Variants in AFF3 observed in about 807,000 individuals in gnomAD.
AFF3 encodes the protein ALF transcription elongation factor 3.
Under a neutral mutation model 129.7 loss-of-function variants are expected in AFF3, and 32 were observed. The ratio of observed to expected loss-of-function variants is 0.25; its 90% confidence interval spans 0.19 to 0.33. The LOEUF (loss-of-function observed/expected upper bound fraction) is 0.33, where lower values mean the gene tolerates loss of function less well. Among genes scored for constraint, AFF3 ranks in the 10% least tolerant of loss-of-function variants. The pLI is 1.00. For missense variants in AFF3, 1,373 were observed against 1,592.0 expected, an observed-to-expected ratio of 0.86 and a Z score of 2.34; for synonymous variants, 644 against 635.4, an observed-to-expected ratio of 1.01 and a Z score of -0.20.
At chr2:99,994,562 A>T (rs1680660566) in intron 7 of AFF3, among the ~76,000 whole-genome samples, 1 of 152,218 alleles carries the variant, frequency 6.6e-6, no homozygotes, top group Non-Finnish European at 1.5e-5. Context: ...GATGGAATGC[A>T]AATATCCCAA....
At chr2:100,122,851 A>T (rs1573463702) in intron 2 of AFF3, among the ~76,000 whole-genome samples, 1 of 152,374 alleles carries the variant, frequency 6.6e-6, no homozygotes, top group Middle Eastern at 3.4e-3. Context: ...ATTTAACTTC[A>T]TTTAACCCAA....
intron 19 of AFF3, among the ~76,000 whole-genome samples, chr2:99,565,920 C>A (rs956171914): frequency 6.6e-6 from 1 of 152,174 alleles, no homozygotes; most frequent in Non-Finnish European, 1.5e-5. Flanking sequence ...CTCTTTCTAA[C>A]CCCTAATGGT....
chr2:99,814,231 AACCACC>A (rs60855066), intron 8 of AFF3, among the ~76,000 whole-genome samples: 1 of 150,936 alleles, frequency 6.6e-6, no homozygotes. Flanking sequence ...TAATCACACA[AACCACC>A]ACCACCACCA....
At chr2:100,117,610 A>G (rs554052853) in intron 2 of AFF3, among the ~76,000 whole-genome samples, 42 of 152,218 alleles carry the variant, frequency 2.8e-4, no homozygotes, top group Non-Finnish European at 4.7e-4. Context: ...ATAGGTGTCT[A>G]TTTCTCCTAT....
intron 11 of AFF3, among the ~76,000 whole-genome samples, chr2:99,691,375 G>A (rs1575706766): frequency 6.6e-6 from 1 of 152,196 alleles, no homozygotes; most frequent in Non-Finnish European, 1.5e-5. Flanking sequence ...GTTTGGGACA[G>A]AGTGTTATTT....
chr2:99,773,835 G>T (rs537951434), intron 8 of AFF3, among the ~76,000 whole-genome samples: 1 of 152,130 alleles, frequency 6.6e-6, no homozygotes, highest in Non-Finnish European at 1.5e-5. Context: ...AAACCCCATC[G>T]TCTCAGCCCA....
At chr2:99,984,495 T>C (rs1679684607) in intron 7 of AFF3, among the ~76,000 whole-genome samples, 1 of 152,196 alleles carries the variant, frequency 6.6e-6, no homozygotes, top group African/African-American at 2.4e-5. Context: ...AGAACTAACC[T>C]GAAAGATCAT....
intron 8 of AFF3, among the ~76,000 whole-genome samples, chr2:99,822,999 C>A (rs555067303): frequency 8.3e-4 from 127 of 152,260 alleles, no homozygotes; most frequent in African/African-American, 3.0e-3. Flanking sequence ...TTTTTCTGGG[C>A]AGTATCCTCC....
At chr2:99,939,209 G>A (rs946102345) in intron 7 of AFF3, among the ~76,000 whole-genome samples, 11 of 152,188 alleles carry the variant, frequency 7.2e-5, no homozygotes, top group African/African-American at 1.4e-4. Context: ...CTTTTTCTGC[G>A]TGGCCCTGGA....
intron 7 of AFF3, among the ~76,000 whole-genome samples, chr2:100,004,636 C>A (rs370891438): frequency 2.0e-5 from 3 of 151,908 alleles, no homozygotes; most frequent in Non-Finnish European, 4.4e-5. Context: ...AATGCACCTG[C>A]GAAAGAGTAT....
chr2:99,569,057 A>T, intron 18 of AFF3, 142 bp from the exon 19 acceptor site: 1 of 726,912 alleles, frequency 1.4e-6, no homozygotes, highest in Non-Finnish European at 2.3e-6. Context: ...TGCCTTTCCA[A>T]ACTACTGCCT....
chr2:99,725,154 T>C (rs780076680), intron 11 of AFF3, among the ~76,000 whole-genome samples: 44 of 151,580 alleles, frequency 2.9e-4, no homozygotes, highest in Non-Finnish European at 5.9e-4. Context: ...TTTGTATTTT[T>C]GGTAGAGATG....
intron 9 of AFF3, among the ~76,000 whole-genome samples, chr2:99,750,390 T>C (rs892301416): frequency 1.3e-5 from 2 of 149,440 alleles, no homozygotes; most frequent in African/African-American, 2.5e-5. Context: ...GGCAAAGATA[T>C]GTAAAAAGTA....
In AFF3 at chr2:99,966,689, C is replaced by CAA. The variant is rs61351679; in HGVS notation, c.873+39941_873+39942dup. Among the ~76,000 whole-genome samples, 278 of 36,738 alleles carry CAA rather than the reference C, an allele frequency of 7.6e-3. 18 individuals are homozygous for CAA. The highest frequency in any genetic ancestry group is 0.018 in the East Asian group (9 of 492). 24.1% of individuals were successfully genotyped at this position (36,738 alleles called of 152,430 possible). Reference sequence around the variant, plus strand: ...TGGGCGACAGAGCGAGACTCCGTCTCAAAAAAAAAAAAAAAAAAAAAAAAA... The same window carrying CAA: ...TGGGCGACAGAGCGAGACTCCGTCTCAAAAAAAAAAAAAAAAAAAAAAAAAAA... On this transcript the variant is annotated intron_variant, in intron 7 of 24. Transcript: ENST00000672756.
intron 2 of AFF3, among the ~76,000 whole-genome samples, chr2:100,124,313 C>T (rs1692098369): frequency 6.6e-6 from 1 of 152,074 alleles, no homozygotes; most frequent in South Asian, 2.1e-4. Context: ...TTCCTGAGTG[C>T]ACAGAACAAT....
intron 7 of AFF3, among the ~76,000 whole-genome samples, chr2:99,954,469 T>A (rs544754943): frequency 6.6e-6 from 1 of 152,218 alleles, no homozygotes; most frequent in Non-Finnish European, 1.5e-5. Context: ...TGCACACATA[T>A]GTTTACTGCG....
rs115855494 is a variant in AFF3 at position 99,925,024 on chromosome 2, C to T, written c.873+81608G>A. On this transcript the variant is annotated intron_variant, in intron 7 of 24. Coordinates refer to ENST00000672756, the MANE Select transcript of AFF3 (RefSeq NM_001386135.1). ...CTGAATAGCTAGGACCACAGGTGCG[C>T]GACATCATGTTCAGCTAATTTTTTA... Among the ~76,000 whole-genome samples the T allele has an allele frequency of 3.9e-3, 599 of 151,866 alleles. 6 individuals are homozygous for T. Among genetic ancestry groups the T allele is most frequent in the African/African-American group, 0.013 (556 of 41,442 alleles).
intron 8 of AFF3, among the ~76,000 whole-genome samples, chr2:99,758,629 A>G (rs762564054): frequency 5.3e-5 from 8 of 151,426 alleles, no homozygotes; most frequent in Non-Finnish European, 1.0e-4. Flanking sequence ...TCACATCACA[A>G]TGATGATGAT....
At chr2:99,836,660 A>C (rs1329000999) in intron 8 of AFF3, among the ~76,000 whole-genome samples, 1 of 152,160 alleles carries the variant, frequency 6.6e-6, no homozygotes, top group Non-Finnish European at 1.5e-5. Context: ...AATTAAAAAA[A>C]AGTGTGTAGG....
Sources: allele counts gnomAD v4.1 joint callset (sites outside exome capture counted in the v4.1 genomes callset), GRCh38; gene constraint gnomAD v4.1.1; transcripts MANE v1.5; gene names NCBI Gene and HGNC (gene_info 2026-07-23, HGNC 2026-07-21).